ABCA9: variants seen among roughly 807,000 people sequenced by gnomAD.
ABCA9 encodes ATP-binding cassette sub-family A member 9.
Under a neutral mutation model 205.3 loss-of-function variants are expected in ABCA9, and 183 were observed. That is an observed-to-expected ratio of 0.89 (90% confidence interval 0.79 to 1.01). The LOEUF (loss-of-function observed/expected upper bound fraction) is 1.01. Among genes scored for constraint, ABCA9 ranks in the 50% least tolerant of loss-of-function variants. The pLI is 0.00. For synonymous variants in ABCA9, 651 were observed against 683.3 expected, an observed-to-expected ratio of 0.95 and a Z score of 0.74; for missense variants, 1,805 against 1,912.4, an observed-to-expected ratio of 0.94 and a Z score of 1.05.
chr17:69,062,510 T>G (rs1260413457), upstream of ABCA9, among the ~76,000 whole-genome samples: 1 of 151,824 alleles, frequency 6.6e-6, no homozygotes, highest in Non-Finnish European at 1.5e-5. Context: ...TAATATTTAT[T>G]TATTTATTTA....
intron 22 of ABCA9, 34 bp from the exon 23 acceptor site, chr17:69,012,117 G>C (rs754947644): frequency 7.0e-7 from 1 of 1,437,974 alleles, no homozygotes; most frequent in Admixed American, 1.8e-5. Flanking sequence ...AGCTGATGGC[G>C]ATTGGGCATC....
intron 22 of ABCA9, among the ~76,000 whole-genome samples, chr17:69,014,650 A>T (rs569835631): frequency 6.6e-6 from 1 of 152,106 alleles, no homozygotes; most frequent in Non-Finnish European, 1.5e-5. Context: ...AAACAATGGT[A>T]TGATGTGCTT....
chr17:69,011,798 T>C, intron 23 of ABCA9, 178 bp downstream of exon 23: 1 of 479,352 alleles, frequency 2.1e-6, no homozygotes, highest in East Asian at 3.3e-5. Flanking sequence ...AGGTCTCACA[T>C]TTGTTTCAGA....
chr17:69,024,812 A>T (rs2070928968), intron 16 of ABCA9, among the ~76,000 whole-genome samples: 1 of 152,210 alleles, frequency 6.6e-6, no homozygotes, highest in Non-Finnish European at 1.5e-5. Flanking sequence ...TGTCATGCTA[A>T]TGCAGATTCT....
At chr17:69,078,888 G>T in the ABCA9 span, 2 of 739,540 alleles carry the variant, frequency 2.7e-6, no homozygotes, top group South Asian at 3.0e-5. Context: ...AATTTTAAAT[G>T]ATCTTTAAAA....
chr17:69,051,592 G>T (rs775185825), intron 1 of ABCA9: 28 of 164,942 alleles, frequency 1.7e-4, no homozygotes, highest in Non-Finnish European at 3.4e-4. Flanking sequence ...CTCACATGGG[G>T]TCATGAGGGG....
intron 17 of ABCA9, among the ~76,000 whole-genome samples, chr17:69,022,698 A>G (rs2070859839): frequency 1.3e-5 from 2 of 151,490 alleles, no homozygotes; most frequent in Admixed American, 6.6e-5. Flanking sequence ...AAAAGGACAA[A>G]ATATGTATGT....
chr17:68,989,870 A>C lies in ABCA9; in HGVS notation c.3898T>G (p.Phe1300Val). The C allele has an allele frequency of 1.2e-6, 2 of 1,613,596 alleles. No individual in the cohort carries two copies. The highest frequency in any genetic ancestry group is 1.7e-6 in the Non-Finnish European group (2 of 1,179,662). The change falls in exon 30 of 39, where the codon TTT becomes GTT. Residue 1300 changes from phenylalanine to valine, a missense_variant. Coordinates refer to ENST00000340001, the MANE Select transcript of ABCA9 (RefSeq NM_080283.4). ...KEYAGKKKNC[F>V]SKRKKKIATR... The stretch of plus-strand genomic sequence containing the variant: ...GCAATTTTTTTCTTCCTTTTAGAAA[A>C]GCAATTTTTCTTTTTGCCTGCATAT...
intron 6 of ABCA9, among the ~76,000 whole-genome samples, chr17:69,036,072 C>G (rs2071329053): frequency 6.6e-6 from 1 of 152,156 alleles, no homozygotes; most frequent in South Asian, 2.1e-4. Context: ...CCAGAGAGAG[C>G]TTTTCTGGGA....
intron 22 of ABCA9, among the ~76,000 whole-genome samples, chr17:69,016,035 A>G (rs976913480): frequency 2.7e-5 from 4 of 149,198 alleles, no homozygotes; most frequent in East Asian, 2.0e-4. Flanking sequence ...GTGTGTGTGT[A>G]TGTATATTAC....
chr17:69,010,708 A>G (rs1283351147), intron 23 of ABCA9, among the ~76,000 whole-genome samples: 1 of 152,178 alleles, frequency 6.6e-6, no homozygotes, highest in Non-Finnish European at 1.5e-5. Flanking sequence ...AGGAATGATG[A>G]TGACTTAGAC....
chr17:69,051,201 A>G, intron 1 of ABCA9, 62 bp from the exon 2 acceptor site: 1 of 1,445,660 alleles, frequency 6.9e-7, no homozygotes, highest in Non-Finnish European at 9.4e-7. Flanking sequence ...AACATTGTGC[A>G]ATCAAACATA....
chr17:69,028,034 T>C (rs2071047487), intron 12 of ABCA9, among the ~76,000 whole-genome samples: 1 of 152,202 alleles, frequency 6.6e-6, no homozygotes, highest in African/African-American at 2.4e-5. Context: ...AAACTATTTA[T>C]GACATATTTA....
In ABCA9 at chr17:69,041,852, T is replaced by G. The variant is rs2071555945; in HGVS notation, c.800+1637A>C. Among the ~76,000 whole-genome samples, 6 of 152,196 alleles carry G rather than the reference T, an allele frequency of 3.9e-5. No individual in the cohort carries two copies. In the South Asian group the frequency reaches 1.2e-3, roughly 32 times the overall value. ...CTTTCATCATAAACCAAAGAAGTAA[T>G]TCATCTTCTCCACTTCTCCACCCGG... On this transcript the variant is annotated intron_variant, in intron 6 of 38. Transcript: ENST00000340001.
intron 5 of ABCA9, 48 bp downstream of exon 5, chr17:69,044,449 G>C (rs1365554655): frequency 6.6e-7 from 1 of 1,515,940 alleles, no homozygotes; most frequent in South Asian, 1.1e-5. Flanking sequence ...TCACCATCCA[G>C]CAAAATTCAA....
chr17:69,032,313 C>T, intron 9 of ABCA9, 37 bp from the exon 10 acceptor site: 3 of 1,590,400 alleles, frequency 1.9e-6, no homozygotes, highest in South Asian at 1.2e-5. Context: ...CTGGGTCAGT[C>T]ATCGCTTCAA....
intron 25 of ABCA9, among the ~76,000 whole-genome samples, chr17:68,998,722 A>G (rs948873762): frequency 1.3e-5 from 2 of 151,974 alleles, no homozygotes; most frequent in Non-Finnish European, 2.9e-5. Context: ...TATGGGGATT[A>G]TCTTAATCCT....
At position 69,033,887 on chromosome 17, in the gene ABCA9, A is replaced by T. The variant is rs201554852; in HGVS notation, c.1129-14T>A. 3.2e-6 allele frequency: 5 copies of T among 1,559,696 alleles called. No individual in the cohort carries two copies. Among genetic ancestry groups the T allele is most frequent in the Non-Finnish European group, 4.4e-6 (5 of 1,145,534 alleles). The stretch of plus-strand genomic sequence containing the variant: ...CAAATGTATAAGCTGAAAAAGAAAG[A>T]TACAGTGAATTTTAAAAGAATTAAT... On this transcript the variant is annotated splice_polypyrimidine_tract_variant and intron_variant, in intron 8 of 38. Coordinates refer to ENST00000340001, the MANE Select transcript of ABCA9 (RefSeq NM_080283.4).
At chr17:69,067,904 T>G in the ABCA9 span, among the ~76,000 whole-genome samples, 7 of 152,202 alleles carry the variant, frequency 4.6e-5, no homozygotes. Context: ...AAGAGTTTAT[T>G]TTGTTATAGT....
Sources: gnomAD v4.1 joint callset for allele counts (sites outside exome capture counted in the v4.1 genomes callset) on GRCh38, gnomAD v4.1.1 for gene constraint, MANE v1.5 for transcripts, NCBI Gene and HGNC (gene_info 2026-07-23, HGNC 2026-07-21) for gene names.